Variants in DPP6 observed in about 807,000 individuals in gnomAD.
DPP6 encodes the protein dipeptidyl peptidase like 6.
Under a neutral mutation model 122.6 loss-of-function variants are expected in DPP6, and 69 were observed. That is an observed-to-expected ratio of 0.56 (90% CI 0.46 to 0.69). DPP6 has a LOEUF of 0.69. Ranked by LOEUF, DPP6 falls within the 30% of genes least tolerant of loss-of-function variation. The pLI is 0.00. For synonymous variants in DPP6, 418 were observed against 433.1 expected (o/e 0.97, Z 0.43); for missense variants, 928 against 1,116.9 (o/e 0.83, Z 2.41).
intron 1 of DPP6, among the ~76,000 whole-genome samples, chr7:153,887,996 G>A (rs144533045): frequency 6.6e-6 from 1 of 152,340 alleles, no homozygotes; most frequent in East Asian, 1.9e-4. Context: ...TGTTTTGGGC[G>A]CGGGATGGGA....
chr7:154,130,620 A>C (rs1357077203), intron 1 of DPP6, among the ~76,000 whole-genome samples: 1 of 152,134 alleles, frequency 6.6e-6, no homozygotes, highest in Admixed American at 6.5e-5. Flanking sequence ...GGGACTTTGC[A>C]CATCATTGTG....
At chr7:154,392,418 A>C (rs941431321) in intron 1 of DPP6, among the ~76,000 whole-genome samples, 2 of 152,232 alleles carry the variant, frequency 1.3e-5, no homozygotes, top group Non-Finnish European at 2.9e-5. Flanking sequence ...TTTAAGAAGA[A>C]GTACATGACA....
At chr7:154,594,165 ATCT>A (rs1832957456) in intron 5 of DPP6, among the ~76,000 whole-genome samples, 1 of 152,156 alleles carries the variant, frequency 6.6e-6, no homozygotes, top group South Asian at 2.1e-4. Context: ...CTCATGGAGG[ATCT>A]TCTAATCTTG....
chr7:154,113,268 T>C (rs1454321776), intron 1 of DPP6, among the ~76,000 whole-genome samples: 1 of 152,132 alleles, frequency 6.6e-6, no homozygotes, highest in East Asian at 1.9e-4. Flanking sequence ...TATATGGTGG[T>C]TCTATTTTTA....
At chr7:153,937,066 T>C (rs1347417897) in intron 1 of DPP6, among the ~76,000 whole-genome samples, 1 of 152,090 alleles carries the variant, frequency 6.6e-6, no homozygotes, top group Non-Finnish European at 1.5e-5. Context: ...TAGGGTCCCA[T>C]GGAGGACCTT....
rs1166655278 is a variant in DPP6 at position 154,624,018 on chromosome 7, AC to A, written c.628-13799del. On this transcript the variant is annotated intron_variant, in intron 5 of 25. Coordinates refer to ENST00000377770, the MANE Select transcript of DPP6 (RefSeq NM_130797.4). This position sits in a 1 kb window ranked among gnomAD's most constrained non-coding sequence, Gnocchi z 4.7. Reference sequence around the variant, plus strand: ...AGACCAGCCTGGCCGACATGGTGAAACCCCATCTCTACTAAAAATACAAAAA... The same window carrying A: ...AGACCAGCCTGGCCGACATGGTGAAACCCATCTCTACTAAAAATACAAAAA... 6.6e-6 allele frequency among the ~76,000 whole-genome samples: 1 copy of A among 152,044 alleles called. No homozygotes were observed. Among genetic ancestry groups the A allele is most frequent in the Non-Finnish European group, 1.5e-5 (1 of 68,002 alleles).
chr7:154,172,832 T>C (rs1797605996), intron 1 of DPP6, among the ~76,000 whole-genome samples: 1 of 151,988 alleles, frequency 6.6e-6, no homozygotes, highest in Non-Finnish European at 1.5e-5. Flanking sequence ...AACTTGTGAG[T>C]TCAAGCCATC....
In DPP6 at chr7:154,644,310, T is replaced by C. The variant is rs571926958; in HGVS notation, c.680+6437T>C. ...AATGTAGAAACCACACTAATTGTGA[T>C]TATGAGTAGCTGGTGTTCTCTTGGA... is the stretch of plus-strand genomic sequence containing the variant. On this transcript the variant is annotated intron_variant, in intron 6 of 25. Transcript: ENST00000377770. Among the ~76,000 whole-genome samples the C allele has an allele frequency of 2.0e-5, 3 of 152,334 alleles. No homozygotes were observed. The East Asian group carries it at 5.8e-4, about 29-fold the overall frequency.
intron 15 of DPP6, 126 bp downstream of exon 15, chr7:154,805,090 A>T: frequency 6.9e-6 from 9 of 1,298,894 alleles, no homozygotes; most frequent in Non-Finnish European, 9.5e-6. Flanking sequence ...ACAGAGGAGT[A>T]GCTGTAGAGT....
intron 2 of DPP6, among the ~76,000 whole-genome samples, chr7:154,454,638 G>A (rs1028747423): frequency 4.6e-5 from 7 of 152,070 alleles, no homozygotes; most frequent in African/African-American, 1.7e-4. Context: ...GGAAAGGGAT[G>A]GTAGCCAATG....
In DPP6 at chr7:154,061,072, G is replaced by A. The variant is rs533616333; in HGVS notation, c.243+8009G>A. On this transcript the variant is annotated intron_variant, in intron 1 of 25. Coordinates refer to ENST00000377770, the MANE Select transcript of DPP6 (RefSeq NM_130797.4). ...GATTTACGATCCGACGGGTCCGAACGCAGCTCGGGAACAGAAAGAAAGCAG... is the reference window on the plus strand; with the variant it reads ...GATTTACGATCCGACGGGTCCGAACACAGCTCGGGAACAGAAAGAAAGCAG... 6.0e-5 allele frequency among the ~76,000 whole-genome samples: 9 copies of A among 149,082 alleles called. No homozygotes were observed. In the East Asian group the frequency reaches 9.6e-4, roughly 16 times the overall value.
Position 154,804,964 on chromosome 7 carries a change from G to C in DPP6, c.1547G>C (p.Ser516Thr), listed in dbSNP as rs771904802. The change falls in exon 15 of 26, where the codon AGT becomes ACT. Residue 516 changes from serine (S) to threonine (T), a missense_variant and splice_region_variant. Transcript: ENST00000377770. ...EDLPRRRQLY[S>T]ANTVGNFNRQ... ...CTGCCTCGGAGACGACAACTCTACA[G>C]GTAACTCCTGCTCCCCCTGCACACA... 6.3e-7 allele frequency: 1 copy of C among 1,596,076 alleles called. No homozygotes were observed. Among genetic ancestry groups the C allele is most frequent in the Non-Finnish European group, 8.5e-7 (1 of 1,170,814 alleles).
intron 6 of DPP6, among the ~76,000 whole-genome samples, chr7:154,666,157 C>A: frequency 6.8e-6 from 1 of 147,154 alleles, no homozygotes; most frequent in Non-Finnish European, 1.5e-5. Flanking sequence ...ATAATTATAT[C>A]ATACTATATA....
chr7:154,006,219 G>C (rs1280834707), intron 1 of DPP6, among the ~76,000 whole-genome samples: 1 of 152,120 alleles, frequency 6.6e-6, no homozygotes, highest in African/African-American at 2.4e-5. Context: ...CAGATAAACA[G>C]TAACCAACAG....
At chr7:154,011,633 A>C (rs1421786910) in intron 1 of DPP6, among the ~76,000 whole-genome samples, 1 of 152,258 alleles carries the variant, frequency 6.6e-6, no homozygotes, top group South Asian at 2.1e-4. Flanking sequence ...GAAGTATTCC[A>C]TCTCACTTAA....
At chr7:154,566,101 A>G (rs1586642778) in intron 4 of DPP6, among the ~76,000 whole-genome samples, 1 of 152,214 alleles carries the variant, frequency 6.6e-6, no homozygotes, top group Non-Finnish European at 1.5e-5. Context: ...AGGGATGACC[A>G]TGTTGGAAAA....
chr7:154,256,282 G>A (rs1395660721), intron 1 of DPP6, among the ~76,000 whole-genome samples: 2 of 152,192 alleles, frequency 1.3e-5, no homozygotes, highest in African/African-American at 2.4e-5. Flanking sequence ...ATAAACTACA[G>A]TGTGCAAAAT....
chr7:154,748,905 TCAAGTCAAAC>T (rs1843169790), intron 8 of DPP6, among the ~76,000 whole-genome samples: 1 of 152,184 alleles, frequency 6.6e-6, no homozygotes, highest in Non-Finnish European at 1.5e-5. Context: ...TCCAGGTGGC[TCAAGTCAAAC>T]TTAAGAGCGC....
chr7:154,596,254 A>G (rs7780077), intron 5 of DPP6, among the ~76,000 whole-genome samples: 89,805 of 152,098 alleles, frequency 0.59, 26,811 homozygotes, highest in East Asian at 0.69. Flanking sequence ...CTATTGAAGT[A>G]AAACTGCCCT....
Sources: gnomAD v4.1 joint callset for allele counts (sites outside exome capture counted in the v4.1 genomes callset) on GRCh38, gnomAD v4.1.1 for gene constraint, Gnocchi (gnomAD v3.1) non-coding constraint, MANE v1.5 for transcripts, NCBI Gene and HGNC (gene_info 2026-07-23, HGNC 2026-07-21) for gene names.